RSBN1L: variants seen among roughly 807,000 people sequenced by gnomAD.
The protein encoded by RSBN1L is round spermatid basic protein 1 like.
Under a neutral mutation model 67.7 loss-of-function variants are expected in RSBN1L, and 30 were observed. The ratio of observed to expected loss-of-function variants is 0.44; its 90% CI spans 0.33 to 0.60. The LOEUF (loss-of-function observed/expected upper bound fraction) is 0.60. Among genes scored for constraint, RSBN1L ranks in the 20% least tolerant of loss-of-function variants. The pLI is 0.02. For synonymous variants in RSBN1L, 433 were observed against 387.0 expected (o/e 1.12, Z -1.39); for missense variants, 992 against 1,031.7 (o/e 0.96, Z 0.53).
In RSBN1L at chr7:77,782,990, A is replaced by G. The variant is rs924253302; in HGVS notation, c.*3822A>G. 1 of 152,250 alleles carries G rather than the reference A, an allele frequency of 6.6e-6. No homozygotes were observed. Among genetic ancestry groups the G allele is most frequent in the Non-Finnish European group, 1.5e-5 (1 of 68,040 alleles). 9.4% of individuals were successfully genotyped at this position (152,250 alleles called of 1,614,324 possible). A position where few individuals can be genotyped will look rare whatever the true frequency, so the allele number is the denominator to read the frequency against. On this transcript the variant is annotated 3_prime_UTR_variant, in exon 8 of 8. Transcript: ENST00000334955. ...TTGAGAGATATTTTCCTTGTCTTCCATCATTCAATAAATACTAAAATTGAT... is the reference window on the plus strand; with the variant it reads ...TTGAGAGATATTTTCCTTGTCTTCCGTCATTCAATAAATACTAAAATTGAT...
chr7:77,751,919 A>T (rs565630760), intron 3 of RSBN1L, among the ~76,000 whole-genome samples: 44 of 152,284 alleles, frequency 2.9e-4, no homozygotes, highest in African/African-American at 1.0e-3. Context: ...CTTTGATACT[A>T]TGCAAGTTTG....
chr7:77,767,095 C>A (rs1384073951), intron 4 of RSBN1L, among the ~76,000 whole-genome samples: 2 of 143,420 alleles, frequency 1.4e-5, no homozygotes, highest in Non-Finnish European at 3.0e-5. Flanking sequence ...CTTCCCTTTC[C>A]CTTTCCCTTC....
intron 5 of RSBN1L, among the ~76,000 whole-genome samples, chr7:77,770,652 G>A (rs1186958603): frequency 6.6e-6 from 1 of 152,076 alleles, no homozygotes; most frequent in African/African-American, 2.4e-5. Flanking sequence ...CTGCACTCCA[G>A]CCTGGGTGAC....
chr7:77,710,859 G>C (rs1323215672), intron 1 of RSBN1L, among the ~76,000 whole-genome samples: 2 of 152,066 alleles, frequency 1.3e-5, no homozygotes, highest in African/African-American at 4.8e-5. Flanking sequence ...GCCTCCCAAA[G>C]TGCTATACAG....
chr7:77,728,665 T>C (rs2150418659), intron 1 of RSBN1L, among the ~76,000 whole-genome samples: 1 of 152,338 alleles, frequency 6.6e-6, no homozygotes, highest in African/African-American at 2.4e-5. Context: ...CAGTGCTTCT[T>C]GCGGATTAAG....
intron 1 of RSBN1L, among the ~76,000 whole-genome samples, chr7:77,717,901 C>T (rs1224844866): frequency 6.6e-6 from 1 of 152,176 alleles, no homozygotes; most frequent in Admixed American, 6.5e-5. Context: ...TGCCTGTAAT[C>T]TCAGCTACTT....
intron 4 of RSBN1L, among the ~76,000 whole-genome samples, chr7:77,767,977 A>G (rs1791795591): frequency 1.3e-5 from 2 of 148,924 alleles, no homozygotes; most frequent in South Asian, 4.4e-4. Context: ...CAACCTCCTG[A>G]GTAGCTGGGA....
chr7:77,699,798 T>G (rs74669234), intron 1 of RSBN1L, among the ~76,000 whole-genome samples: 3 of 147,632 alleles, frequency 2.0e-5, no homozygotes, highest in African/African-American at 7.4e-5. Context: ...CAGTTTAGAT[T>G]TTTTTTTTTT....
chr7:77,728,580 T>A (rs1791236162), intron 1 of RSBN1L, among the ~76,000 whole-genome samples: 1 of 152,238 alleles, frequency 6.6e-6, no homozygotes, highest in Non-Finnish European at 1.5e-5. Context: ...TGGCATCATT[T>A]TTGGCAGAGA....
intron 1 of RSBN1L, among the ~76,000 whole-genome samples, chr7:77,730,506 A>G (rs903313098): frequency 2.0e-5 from 3 of 152,144 alleles, no homozygotes; most frequent in Non-Finnish European, 2.9e-5. Context: ...ACCATACACC[A>G]CAGAGTATTT....
At chr7:77,763,762 A>G (rs1791726651) in intron 3 of RSBN1L, among the ~76,000 whole-genome samples, 1 of 152,070 alleles carries the variant, frequency 6.6e-6, no homozygotes, top group African/African-American at 2.4e-5. Flanking sequence ...GCCTGATGAC[A>G]GCTCACTGCA....
chr7:77,775,844 T>C (rs1791906308), intron 6 of RSBN1L, among the ~76,000 whole-genome samples: 1 of 152,110 alleles, frequency 6.6e-6, no homozygotes, highest in Non-Finnish European at 1.5e-5. Flanking sequence ...TCACCTGAGG[T>C]CAGGAGTTCC....
chr7:77,735,126 A>G (rs1791316800), intron 1 of RSBN1L, among the ~76,000 whole-genome samples: 1 of 151,994 alleles, frequency 6.6e-6, no homozygotes, highest in African/African-American at 2.4e-5. Context: ...TATATTATTA[A>G]TGATTGAAGT....
intron 1 of RSBN1L, among the ~76,000 whole-genome samples, chr7:77,727,239 C>T (rs1461337083): frequency 2.6e-5 from 4 of 152,122 alleles, no homozygotes; most frequent in Non-Finnish European, 2.9e-5. Flanking sequence ...ACACATGTGC[C>T]ACCACGCCCA....
intron 1 of RSBN1L, among the ~76,000 whole-genome samples, chr7:77,705,054 A>G (rs1325603386): frequency 6.6e-6 from 1 of 152,006 alleles, no homozygotes; most frequent in South Asian, 2.1e-4. Flanking sequence ...CCAAACTATC[A>G]TTAATTGATG....
intron 1 of RSBN1L, among the ~76,000 whole-genome samples, chr7:77,716,859 G>C (rs1251029049): frequency 6.6e-6 from 1 of 151,864 alleles, no homozygotes; most frequent in Admixed American, 6.6e-5. Flanking sequence ...TTGAACTCCT[G>C]ACTTCAGGTG....
chr7:77,705,736 T>C (rs548464767), intron 1 of RSBN1L, among the ~76,000 whole-genome samples: 25 of 152,076 alleles, frequency 1.6e-4, no homozygotes, highest in African/African-American at 5.8e-4. Flanking sequence ...GGTCTTGAAC[T>C]CCTGACCTCA....
intron 2 of RSBN1L, among the ~76,000 whole-genome samples, chr7:77,748,337 G>GA (rs908610119): frequency 4.6e-5 from 7 of 152,028 alleles, no homozygotes; most frequent in Non-Finnish European, 8.8e-5. Context: ...GGAGACACCA[G>GA]AAAAAATGAC....
Position 77,696,852 on chromosome 7 carries a change from T to A in RSBN1L, c.383T>A (p.Leu128Gln). ...ASLSQPVPRKLLVPPTLLHAQ... is the reference protein window; with the variant it reads ...ASLSQPVPRKQLVPPTLLHAQ... The stretch of plus-strand genomic sequence containing the variant: ...TTGTCTCAGCCGGTGCCGCGCAAAC[T>A]GCTGGTCCCTCCTACGCTGCTGCAC... Residue 128 changes from leucine (L) to glutamine (Q), a missense_variant, in exon 1 of 8, where the codon CTG becomes CAG. Leu to Gln is a moderately radical substitution (Grantham distance 113, BLOSUM62 -2). This residue lies in a region of RSBN1L where 575 missense variants were observed against 483.2 expected (regional missense o/e 1.19). Transcript: ENST00000334955. 1 of 1,612,674 alleles carries A rather than the reference T, an allele frequency of 6.2e-7. No homozygotes were observed. The highest frequency in any genetic ancestry group is 1.1e-5 in the South Asian group (1 of 91,086).
Sources: allele counts gnomAD v4.1 joint callset (sites outside exome capture counted in the v4.1 genomes callset), GRCh38; gene constraint gnomAD v4.1.1; regional missense constraint gnomAD v4.1.1; transcripts MANE v1.5; gene names NCBI Gene and HGNC (gene_info 2026-07-23, HGNC 2026-07-21).